Variants in KCNIP4 observed in about 807,000 individuals in gnomAD.
KCNIP4 encodes the protein potassium voltage-gated channel interacting protein 4.
Under a neutral mutation model 34.0 loss-of-function variants are expected in KCNIP4, and 12 were observed. The ratio of observed to expected loss-of-function variants is 0.35; its 90% CI spans 0.23 to 0.57. The LOEUF (loss-of-function observed/expected upper bound fraction) is 0.57, where lower values mean the gene tolerates loss of function less well. Among genes scored for constraint, KCNIP4 ranks in the 20% least tolerant of loss-of-function variants. The pLI, the probability that KCNIP4 is intolerant of heterozygous loss-of-function variation, is 0.83. For synonymous variants in KCNIP4, 124 were observed against 102.2 expected (o/e 1.21, Z -1.29); for missense variants, 238 against 311.7 (o/e 0.76, Z 1.78).
intron 1 of KCNIP4, among the ~76,000 whole-genome samples, chr4:21,911,655 CAG>C (rs1366997015): frequency 7.3e-6 from 1 of 137,146 alleles, no homozygotes; most frequent in African/African-American, 2.8e-5. Flanking sequence ...CACACACACA[CAG>C]AGTCTGGTAT....
chr4:21,835,578 C>T (rs1291768902), intron 1 of KCNIP4, among the ~76,000 whole-genome samples: 4 of 151,204 alleles, frequency 2.6e-5, no homozygotes, highest in Non-Finnish European at 5.9e-5. Context: ...TGTTTTCTTA[C>T]GTTTTTTTTT....
intron 1 of KCNIP4, among the ~76,000 whole-genome samples, chr4:21,913,365 T>C (rs1173620952): frequency 1.3e-5 from 1 of 76,906 alleles, no homozygotes; most frequent in Non-Finnish European, 2.7e-5. Context: ...TTCTTTTTCC[T>C]TTTTTTTTTT....
chr4:21,384,257 C>T (rs1721809577), intron 1 of KCNIP4, among the ~76,000 whole-genome samples: 1 of 152,102 alleles, frequency 6.6e-6, no homozygotes, highest in African/African-American at 2.4e-5. Flanking sequence ...TATATTAAAA[C>T]ATATTAAGGG....
At chr4:21,583,488 G>A (rs1296126944) in intron 1 of KCNIP4, among the ~76,000 whole-genome samples, 3 of 151,942 alleles carry the variant, frequency 2.0e-5, no homozygotes, top group Admixed American at 1.3e-4. Context: ...TATTAAGGTT[G>A]AGAATAGTCA....
At chr4:20,906,489 G>T (rs188120697) in intron 1 of KCNIP4, among the ~76,000 whole-genome samples, 67 of 152,276 alleles carry the variant, frequency 4.4e-4, no homozygotes, top group African/African-American at 1.6e-3. Flanking sequence ...TGCCATGTCT[G>T]CCTTGCCAGG....
chr4:21,605,698 C>T (rs1743591485), intron 1 of KCNIP4, among the ~76,000 whole-genome samples: 1 of 152,082 alleles, frequency 6.6e-6, no homozygotes, highest in Admixed American at 6.5e-5. Flanking sequence ...CCAGGCTGGT[C>T]TCGAATTCCT....
chr4:21,366,722 T>C (rs1364215051), intron 1 of KCNIP4, among the ~76,000 whole-genome samples: 1 of 151,878 alleles, frequency 6.6e-6, no homozygotes, highest in African/African-American at 2.4e-5. Context: ...TAGTACCTGG[T>C]CTTTACCCAG....
chr4:21,137,300 T>G (rs572400438), intron 1 of KCNIP4, among the ~76,000 whole-genome samples: 1 of 152,278 alleles, frequency 6.6e-6, no homozygotes, highest in East Asian at 1.9e-4. Context: ...CAGCAGTGAA[T>G]AGCATTTCCA....
intron 1 of KCNIP4, among the ~76,000 whole-genome samples, chr4:20,906,010 CCTT>C (rs1378307759): frequency 1.2e-4 from 18 of 151,724 alleles, no homozygotes; most frequent in East Asian, 3.9e-4. Flanking sequence ...GTCAATTTCC[CCTT>C]CTTCTTCTTT....
At chr4:21,670,952 G>A (rs958997566) in intron 1 of KCNIP4, among the ~76,000 whole-genome samples, 4 of 150,792 alleles carry the variant, frequency 2.7e-5, no homozygotes, top group Non-Finnish European at 5.9e-5. Context: ...CACCGCGCCG[G>A]GCTGAGTAAA....
At chr4:21,900,067 C>A (rs1468687914) in intron 1 of KCNIP4, among the ~76,000 whole-genome samples, 5 of 151,922 alleles carry the variant, frequency 3.3e-5, no homozygotes, top group Non-Finnish European at 7.4e-5. Flanking sequence ...ACACATAGAC[C>A]TATAGGATAT....
At chr4:21,445,738 C>CA (rs746130409) in intron 1 of KCNIP4, among the ~76,000 whole-genome samples, 4 of 151,936 alleles carry the variant, frequency 2.6e-5, no homozygotes, top group Non-Finnish European at 5.9e-5. Context: ...TCTAAAACAC[C>CA]AAAGCAATGG....
intron 1 of KCNIP4, among the ~76,000 whole-genome samples, chr4:21,203,237 C>T (rs1756617173): frequency 6.6e-6 from 1 of 152,166 alleles, no homozygotes; most frequent in African/African-American, 2.4e-5. Context: ...GCAGGTCTCA[C>T]CTTGGCCCTG....
intron 1 of KCNIP4, among the ~76,000 whole-genome samples, chr4:21,183,469 G>GTTT (rs3080812): frequency 0.028 from 3,552 of 128,174 alleles, 160 homozygotes; most frequent in African/African-American, 0.094. Flanking sequence ...TGTTGTTTTT[G>GTTT]TTTTTTTTTT....
At chr4:20,869,016 G>T (rs950624541) in intron 2 of KCNIP4, among the ~76,000 whole-genome samples, 2 of 152,030 alleles carry the variant, frequency 1.3e-5, no homozygotes, top group Non-Finnish European at 2.9e-5. Context: ...AGACATACAG[G>T]TAATGTATTT....
intron 1 of KCNIP4, among the ~76,000 whole-genome samples, chr4:21,202,713 T>C (rs1756577370): frequency 6.6e-6 from 1 of 152,216 alleles, no homozygotes; most frequent in African/African-American, 2.4e-5. Flanking sequence ...TTCTTTCCAC[T>C]TGTTTATATG....
chr4:21,293,978 C>T lies in KCNIP4; in HGVS notation c.62-411269G>A, dbSNP rs551219858. Among the ~76,000 whole-genome samples, 6 of 152,200 alleles carry T rather than the reference C, an allele frequency of 3.9e-5. No individual in the cohort carries two copies. The East Asian group carries it at 5.8e-4, about 15-fold the overall frequency. On this transcript the variant is annotated intron_variant, in intron 1 of 8. Transcript: ENST00000382152. ...AGGTGGGCAGCCTGATTTTGAATCCCGCCTTGACCACTTCTAGTTATATGA... is the reference window on the plus strand; with the variant it reads ...AGGTGGGCAGCCTGATTTTGAATCCTGCCTTGACCACTTCTAGTTATATGA...
intron 1 of KCNIP4, among the ~76,000 whole-genome samples, chr4:21,795,134 T>C (rs1040863028): frequency 6.6e-6 from 1 of 152,124 alleles, no homozygotes; most frequent in African/African-American, 2.4e-5. Flanking sequence ...GTGATGAAGT[T>C]AAAATGAGGC....
chr4:20,856,906 T>C (rs1340494225), intron 2 of KCNIP4, among the ~76,000 whole-genome samples: 1 of 152,194 alleles, frequency 6.6e-6, no homozygotes, highest in African/African-American at 2.4e-5. Flanking sequence ...TTCTGGGCCT[T>C]TGTATCGGGC....
Sources: allele counts gnomAD v4.1 joint callset (sites outside exome capture counted in the v4.1 genomes callset), GRCh38; gene constraint gnomAD v4.1.1; transcripts MANE v1.5; gene names NCBI Gene and HGNC (gene_info 2026-07-23, HGNC 2026-07-21).